Variants in LOC128125817 observed in about 807,000 individuals in gnomAD.
At chr1:41,617,068 T>TACCGTAC in the LOC128125817 span, among the ~76,000 whole-genome samples, 1 of 152,178 alleles carries the variant, frequency 6.6e-6, no homozygotes, top group Admixed American at 6.5e-5. Context: ...CTAACCACTC[T>TACCGTAC]ACCGTACTGC....
the LOC128125817 span, among the ~76,000 whole-genome samples, chr1:41,618,679 T>C: frequency 6.6e-5 from 10 of 152,058 alleles, no homozygotes; most frequent in Admixed American, 6.6e-4. Flanking sequence ...CAGGCCCCAG[T>C]GACCTGAGCT....
At chr1:41,616,178 T>C in the LOC128125817 span, among the ~76,000 whole-genome samples, 3 of 152,054 alleles carry the variant, frequency 2.0e-5, no homozygotes, top group Non-Finnish European at 2.9e-5. Flanking sequence ...AGACAGGTCA[T>C]GGTGTCATGG....
the LOC128125817 span, among the ~76,000 whole-genome samples, chr1:41,615,362 C>G: frequency 6.6e-6 from 1 of 152,266 alleles, no homozygotes; most frequent in Non-Finnish European, 1.5e-5. Context: ...TGCACTGGGG[C>G]TGCCCCCCAT....
the LOC128125817 span, among the ~76,000 whole-genome samples, chr1:41,589,069 C>T: frequency 6.6e-6 from 1 of 152,210 alleles, no homozygotes; most frequent in African/African-American, 2.4e-5. Context: ...TTCTTTTCTA[C>T]CTTCTGTGGT....
the LOC128125817 span, among the ~76,000 whole-genome samples, chr1:41,591,539 T>C: frequency 6.6e-6 from 1 of 152,020 alleles, no homozygotes; most frequent in Non-Finnish European, 1.5e-5. Context: ...CTAGAACTGA[T>C]AATCATGGAT....
At chr1:41,600,720 A>G in the LOC128125817 span, among the ~76,000 whole-genome samples, 1 of 152,202 alleles carries the variant, frequency 6.6e-6, no homozygotes, top group Non-Finnish European at 1.5e-5. Flanking sequence ...AAATAGCAAA[A>G]GATTTTAACA....
the LOC128125817 span, among the ~76,000 whole-genome samples, chr1:41,593,069 T>C: frequency 6.6e-6 from 1 of 152,240 alleles, no homozygotes; most frequent in Non-Finnish European, 1.5e-5. Flanking sequence ...CCTAGTTTTG[T>C]CGAGACCAGA....
chr1:41,624,677 G>A, the LOC128125817 span, among the ~76,000 whole-genome samples: 1 of 152,146 alleles, frequency 6.6e-6, no homozygotes, highest in African/African-American at 2.4e-5. Context: ...AAATGATTGT[G>A]GGGCTTCCTG....
At chr1:41,588,511 C>T in the LOC128125817 span, among the ~76,000 whole-genome samples, 492 of 152,234 alleles carry the variant, frequency 3.2e-3, 1 homozygote, top group Non-Finnish European at 5.1e-3. Context: ...TGGTGCAATT[C>T]CCAGGGCCAG....
the LOC128125817 span, among the ~76,000 whole-genome samples, chr1:41,620,441 G>A: frequency 0.028 from 4,233 of 152,124 alleles, 77 homozygotes; most frequent in Middle Eastern, 0.054. Flanking sequence ...CTCCTGTCCT[G>A]CCCTACCTCT....
chr1:41,621,424 G>C, the LOC128125817 span, among the ~76,000 whole-genome samples: 1 of 152,200 alleles, frequency 6.6e-6, no homozygotes, highest in Non-Finnish European at 1.5e-5. Context: ...GGCCCCCTCT[G>C]TCTCCCAAGG....
the LOC128125817 span, among the ~76,000 whole-genome samples, chr1:41,593,910 T>C: frequency 6.6e-6 from 1 of 152,188 alleles, no homozygotes; most frequent in Admixed American, 6.5e-5. Context: ...TCCCAACTTC[T>C]AGAGGGTACC....
chr1:41,615,815 C>CTTTTTT, the LOC128125817 span, among the ~76,000 whole-genome samples: 6 of 47,020 alleles, frequency 1.3e-4, no homozygotes, highest in East Asian at 8.5e-4. Context: ...TTTGACAAGT[C>CTTTTTT]TTTTTTTTTT....
chr1:41,592,537 C>T, the LOC128125817 span, among the ~76,000 whole-genome samples: 1 of 152,130 alleles, frequency 6.6e-6, no homozygotes. Flanking sequence ...TCAAAGTGAG[C>T]ATCCATCTAG....
chr1:41,611,479 G>T, the LOC128125817 span, among the ~76,000 whole-genome samples: 3 of 152,204 alleles, frequency 2.0e-5, no homozygotes, highest in Non-Finnish European at 4.4e-5. Context: ...AGCCTATCAG[G>T]CCGGCAATGT....
chr1:41,616,235 C>G, the LOC128125817 span, among the ~76,000 whole-genome samples: 1 of 152,144 alleles, frequency 6.6e-6, no homozygotes, highest in Non-Finnish European at 1.5e-5. Context: ...AAACTTAGAG[C>G]ACCCCAAGTG....
the LOC128125817 span, among the ~76,000 whole-genome samples, chr1:41,588,957 G>A: frequency 6.6e-6 from 1 of 152,170 alleles, no homozygotes. Context: ...GGAACCTGCA[G>A]GACCTAAGGA....
At chr1:41,590,881 A>G in the LOC128125817 span, among the ~76,000 whole-genome samples, 1 of 152,184 alleles carries the variant, frequency 6.6e-6, no homozygotes, top group Non-Finnish European at 1.5e-5. Context: ...TTTGAGACTC[A>G]GGCAGCCTGC....
At chr1:41,619,020 C>G in the LOC128125817 span, among the ~76,000 whole-genome samples, 1 of 152,164 alleles carries the variant, frequency 6.6e-6, no homozygotes, top group Non-Finnish European at 1.5e-5. Flanking sequence ...CCCCCGCCCC[C>G]TCCAGGGCAG....
Sources: gnomAD v4.1 joint callset for allele counts (sites outside exome capture counted in the v4.1 genomes callset) on GRCh38, gnomAD v4.1.1 for gene constraint, MANE v1.5 for transcripts.